Variants in FHL2 observed in about 807,000 individuals in gnomAD.
FHL2 encodes four and a half LIM domains 2, also known as four and a half LIM domains protein 2.
A neutral mutation model predicts 32.7 loss-of-function variants in FHL2; 20 were observed. The observed-to-expected ratio is 0.61, with a 90% CI of 0.43 to 0.89. The LOEUF is 0.89. Ranked by LOEUF, FHL2 falls within the 40% of genes least tolerant of loss-of-function variation. FHL2 has a pLI of 0.00. For synonymous variants in FHL2, 123 were observed against 128.1 expected (o/e 0.96, Z 0.27); for missense variants, 311 against 358.6 (o/e 0.87, Z 1.07).
intron 5 of FHL2, among the ~76,000 whole-genome samples, chr2:105,365,285 C>G (rs1165981957): frequency 2.0e-5 from 3 of 152,158 alleles, no homozygotes; most frequent in African/African-American, 7.2e-5. Flanking sequence ...ACCTAGACTA[C>G]AGTTAAGTGT....
At chr2:105,411,486 C>T (rs551792588) in intron 1 of FHL2, among the ~76,000 whole-genome samples, 1 of 150,758 alleles carries the variant, frequency 6.6e-6, no homozygotes, top group Non-Finnish European at 1.5e-5. Flanking sequence ...TCCTACTCAC[C>T]CAGAATCCTC....
intron 1 of FHL2, chr2:105,397,010 GT>G (rs35576785): frequency 0.27 from 28,930 of 108,776 alleles, 2,957 homozygotes; most frequent in South Asian, 0.34. Flanking sequence ...TATCTAGTCT[GT>G]TTTTTTTTTT....
intron 1 of FHL2, among the ~76,000 whole-genome samples, chr2:105,424,860 A>AGGAC (rs1684210341): frequency 1.3e-5 from 2 of 152,164 alleles, no homozygotes; most frequent in Non-Finnish European, 2.9e-5. Flanking sequence ...ATCACACACC[A>AGGAC]GGACCTGTCA....
At chr2:105,435,726 G>A (rs542055282) in intron 1 of FHL2, among the ~76,000 whole-genome samples, 110 of 152,286 alleles carry the variant, frequency 7.2e-4, no homozygotes, top group African/African-American at 2.5e-3. Flanking sequence ...GGAGGCTGAG[G>A]CAGAAGAATC....
chr2:105,405,077 A>G lies in FHL2; in HGVS notation c.-24-18537T>C, dbSNP rs577555257. Among the ~76,000 whole-genome samples the G allele has an allele frequency of 3.3e-5, 5 of 152,344 alleles. No individual in the cohort carries two copies. In the South Asian group the frequency reaches 6.2e-4, roughly 19 times the overall value. ...ACCCATAGTTCATTTGGGCCAGTAA[A>G]TGTTGCTGGATGGTTTCAGATGAAA... On this transcript the variant is annotated intron_variant, in intron 1 of 5. Coordinates refer to the FHL2 transcript ENST00000393352.
chr2:105,360,014 A>C (rs2104473575), downstream of FHL2: 1 of 152,402 alleles, frequency 6.6e-6, no homozygotes, highest in South Asian at 2.1e-4. Flanking sequence ...TGGGAAAGAC[A>C]GAGAAGGTAG....
At chr2:105,367,352 G>A (rs1045106241) in intron 5 of FHL2, among the ~76,000 whole-genome samples, 3 of 152,290 alleles carry the variant, frequency 2.0e-5, no homozygotes, top group African/African-American at 2.4e-5. Flanking sequence ...AGGGTTAAAC[G>A]ATTTGATCAC....
chr2:105,429,150 G>C (rs1684347783), intron 1 of FHL2, among the ~76,000 whole-genome samples: 1 of 152,164 alleles, frequency 6.6e-6, no homozygotes, highest in African/African-American at 2.4e-5. Context: ...TCCCTCCACT[G>C]CCACAAGGGG....
intron 1 of FHL2, among the ~76,000 whole-genome samples, chr2:105,435,262 G>A (rs1684572050): frequency 6.6e-6 from 1 of 151,894 alleles, no homozygotes; most frequent in Non-Finnish European, 1.5e-5. Flanking sequence ...ACTGTTTATT[G>A]GTTTTAGTTA....
At chr2:105,424,732 T>C (rs541122772) in intron 1 of FHL2, among the ~76,000 whole-genome samples, 1 of 152,182 alleles carries the variant, frequency 6.6e-6, no homozygotes, top group South Asian at 2.1e-4. Context: ...TGCAGGGAAA[T>C]GGATGAAGCT....
At chr2:105,407,235 A>C (rs941119657) in intron 1 of FHL2, among the ~76,000 whole-genome samples, 1 of 152,126 alleles carries the variant, frequency 6.6e-6, no homozygotes, top group African/African-American at 2.4e-5. Context: ...TACTAAAAAT[A>C]CAAAAAATTA....
chr2:105,399,667 TG>T (rs769544308), upstream of FHL2: 33 of 1,477,522 alleles, frequency 2.2e-5, no homozygotes, highest in South Asian at 4.3e-4. Context: ...AAAACCAAAG[TG>T]AGCTGGGAGC....
intron 1 of FHL2, among the ~76,000 whole-genome samples, chr2:105,409,110 A>G (rs1057178822): frequency 2.0e-5 from 3 of 152,228 alleles, no homozygotes; most frequent in Non-Finnish European, 4.4e-5. Context: ...GCTCACAGAG[A>G]GGGAACCTCA....
At chr2:105,409,091 G>A (rs138893214) in intron 1 of FHL2, among the ~76,000 whole-genome samples, 222 of 152,302 alleles carry the variant, frequency 1.5e-3, no homozygotes, top group African/African-American at 5.1e-3. Context: ...TTCATGCTTT[G>A]AGGCTTTAGC....
chr2:105,429,794 G>T (rs771026456), intron 1 of FHL2, among the ~76,000 whole-genome samples: 2 of 152,184 alleles, frequency 1.3e-5, no homozygotes, highest in Non-Finnish European at 2.9e-5. Flanking sequence ...TGCAGCCTAG[G>T]AATTGTAATT....
chr2:105,398,227 C>G (rs1156688190), intron 1 of FHL2, among the ~76,000 whole-genome samples: 1 of 152,190 alleles, frequency 6.6e-6, no homozygotes, highest in African/African-American at 2.4e-5. Context: ...CAGAAAAACA[C>G]TCAATATTTT....
intron 3 of FHL2, chr2:105,377,773 A>G: frequency 3.6e-6 from 1 of 276,108 alleles, no homozygotes; most frequent in Non-Finnish European, 7.2e-6. Flanking sequence ...AATGTTTTCC[A>G]TGACCCAAGA....
At chr2:105,403,660 G>A (rs1445374149), upstream of FHL2, among the ~76,000 whole-genome samples, 4 of 152,218 alleles carry the variant, frequency 2.6e-5, no homozygotes, top group African/African-American at 7.2e-5. Context: ...GACTAAAGGT[G>A]ATTTGAAGTA....
chr2:105,397,010 GTTTTTT>G (rs35576785), intron 1 of FHL2: 7 of 108,726 alleles, frequency 6.4e-5, no homozygotes, highest in Admixed American at 2.1e-4. Flanking sequence ...TATCTAGTCT[GTTTTTT>G]TTTTTTTTTT....
Sources: allele counts gnomAD v4.1 joint callset (sites outside exome capture counted in the v4.1 genomes callset), GRCh38; gene constraint gnomAD v4.1.1; transcripts MANE v1.5; gene names NCBI Gene and HGNC (gene_info 2026-07-23, HGNC 2026-07-21).